Variants in WDPCP observed in about 807,000 individuals in gnomAD.
WDPCP encodes WD repeat-containing and planar cell polarity effector protein fritz homolog.
Under a neutral mutation model 93.1 loss-of-function variants are expected in WDPCP, and 71 were observed. The ratio of observed to expected loss-of-function variants is 0.76; its 90% CI spans 0.63 to 0.93. The LOEUF (loss-of-function observed/expected upper bound fraction) is 0.93, where lower values mean the gene tolerates loss of function less well. Among genes scored for constraint, WDPCP ranks in the 40% least tolerant of loss-of-function variants. The pLI is 0.00. For synonymous variants in WDPCP, 315 were observed against 315.0 expected, an observed-to-expected ratio of 1.00 and a Z score of 0.00; for missense variants, 844 against 887.4, an observed-to-expected ratio of 0.95 and a Z score of 0.62.
chr2:63,246,565 G>A (rs1680292501), intron 14 of WDPCP, among the ~76,000 whole-genome samples: 1 of 152,186 alleles, frequency 6.6e-6, no homozygotes, highest in Non-Finnish European at 1.5e-5. Flanking sequence ...CATGGGTGCA[G>A]AAGGTTTTCA....
At chr2:63,292,026 G>A (rs1243896280) in intron 13 of WDPCP, among the ~76,000 whole-genome samples, 4 of 150,434 alleles carry the variant, frequency 2.7e-5, no homozygotes, top group African/African-American at 7.3e-5. Context: ...CCAGCTACTC[G>A]GGAGGCTGAG....
intron 1 of WDPCP, among the ~76,000 whole-genome samples, chr2:63,536,956 T>A (rs918024030): frequency 6.6e-6 from 1 of 151,914 alleles, no homozygotes; most frequent in Non-Finnish European, 1.5e-5. Flanking sequence ...TTAAGAGAGA[T>A]GGGGTTTCGC....
the WDPCP span, among the ~76,000 whole-genome samples, chr2:63,834,788 C>T: frequency 6.6e-6 from 1 of 152,204 alleles, no homozygotes; most frequent in Admixed American, 6.5e-5. Flanking sequence ...GTGCTCAGCA[C>T]ATTGCAGCCA....
At chr2:63,716,805 C>A (rs1462139205) in intron 2 of WDPCP, among the ~76,000 whole-genome samples, 1 of 152,186 alleles carries the variant, frequency 6.6e-6, no homozygotes, top group East Asian at 1.9e-4. Flanking sequence ...TCTTGTGCTA[C>A]ATTTATATTT....
intron 10 of WDPCP, among the ~76,000 whole-genome samples, chr2:63,383,718 A>G (rs115985576): frequency 0.014 from 2,078 of 152,264 alleles, 53 homozygotes; most frequent in African/African-American, 0.048. Context: ...GTCTCAATCA[A>G]TCAATCAATC....
chr2:63,312,693 A>C (rs1288614423), intron 13 of WDPCP, among the ~76,000 whole-genome samples: 1 of 152,188 alleles, frequency 6.6e-6, no homozygotes, highest in Admixed American at 6.5e-5. Context: ...AGGATTTGTA[A>C]GAAACTGGTC....
At chr2:63,163,289 C>A (rs1012543127) in intron 15 of WDPCP, among the ~76,000 whole-genome samples, 1 of 152,082 alleles carries the variant, frequency 6.6e-6, no homozygotes, top group Non-Finnish European at 1.5e-5. Flanking sequence ...ATTGATTATA[C>A]CCTTTCATTT....
chr2:63,232,277 A>G (rs182956809), intron 14 of WDPCP, among the ~76,000 whole-genome samples: 2 of 152,342 alleles, frequency 1.3e-5, no homozygotes, highest in South Asian at 2.1e-4. Flanking sequence ...ATGGCCAAGG[A>G]CTTTGAGACA....
chr2:63,784,445 A>AAAAGC (rs1214870825), intron 2 of WDPCP, among the ~76,000 whole-genome samples: 1 of 152,192 alleles, frequency 6.6e-6, no homozygotes, highest in Non-Finnish European at 1.5e-5. Context: ...GTGGGTCCAA[A>AAAAGC]AAAGCTCTTA....
At chr2:63,499,745 A>T (rs1187875396) in intron 1 of WDPCP, among the ~76,000 whole-genome samples, 1 of 152,188 alleles carries the variant, frequency 6.6e-6, no homozygotes. Context: ...AGTGACCATC[A>T]ATGGATGGGG....
chr2:63,828,382 C>T (rs1041679809), upstream of WDPCP, among the ~76,000 whole-genome samples: 2 of 152,046 alleles, frequency 1.3e-5, no homozygotes, highest in Non-Finnish European at 2.9e-5. Context: ...CTATCCCTTA[C>T]CCTGCTTTTT....
chr2:63,144,101 G>A (rs192747209), intron 17 of WDPCP, among the ~76,000 whole-genome samples: 26 of 152,184 alleles, frequency 1.7e-4, no homozygotes, highest in African/African-American at 5.5e-4. Context: ...GTTGTTTAAC[G>A]TAATCCCAGA....
rs151193315 is a variant in WDPCP, at chr2:63,135,568, G to A, written c.2191-13512C>T. Among the ~76,000 whole-genome samples the A allele has an allele frequency of 1.4e-3, 210 of 152,196 alleles. 1 individual carries two copies. The East Asian group carries it at 0.028, about 21-fold the overall frequency. ...GCTGATCTTGAACTCCTAACCTCAG[G>A]TGATCCATCCACCTCAGCCTCCCAG... On this transcript the variant is annotated intron_variant, in intron 17 of 17. Transcript: ENST00000272321.
At chr2:63,414,499 A>G (rs1269965235) in intron 9 of WDPCP, among the ~76,000 whole-genome samples, 1 of 151,810 alleles carries the variant, frequency 6.6e-6, no homozygotes, top group East Asian at 1.9e-4. Flanking sequence ...ACACACACAT[A>G]TATATACACA....
chr2:63,622,157 G>A, intron 3 of WDPCP: 1 of 1,565,966 alleles, frequency 6.4e-7, no homozygotes, highest in Non-Finnish European at 8.6e-7. Flanking sequence ...CTGGGTTGCT[G>A]TGGTGGTGGT....
At chr2:63,460,199 G>A (rs1698912364) in intron 6 of WDPCP, among the ~76,000 whole-genome samples, 1 of 152,112 alleles carries the variant, frequency 6.6e-6, no homozygotes, top group Admixed American at 6.5e-5. Flanking sequence ...GGATGGAACT[G>A]GAGGTCAGTA....
At chr2:63,424,543 C>T (rs1293069487) in intron 9 of WDPCP, among the ~76,000 whole-genome samples, 1 of 152,182 alleles carries the variant, frequency 6.6e-6, no homozygotes, top group African/African-American at 2.4e-5. Flanking sequence ...CCTTGGAGCA[C>T]TTTGACTGCC....
chr2:63,693,164 T>C (rs1668913122), intron 2 of WDPCP, among the ~76,000 whole-genome samples: 1 of 152,150 alleles, frequency 6.6e-6, no homozygotes, highest in Non-Finnish European at 1.5e-5. Flanking sequence ...AAAATATTAA[T>C]TGGAGAATAC....
chr2:63,589,576 A>G (rs1219011570), upstream of WDPCP, among the ~76,000 whole-genome samples: 1 of 152,192 alleles, frequency 6.6e-6, no homozygotes, highest in African/African-American at 2.4e-5. Flanking sequence ...TCAAAATGTT[A>G]TTTGGAACCC....
Sources: allele counts gnomAD v4.1 joint callset (sites outside exome capture counted in the v4.1 genomes callset), GRCh38; gene constraint gnomAD v4.1.1; transcripts MANE v1.5; gene names NCBI Gene and HGNC (gene_info 2026-07-23, HGNC 2026-07-21).